Variants in SYNPO2 observed in about 807,000 individuals in gnomAD.
SYNPO2 encodes the protein synaptopodin 2.
Under a neutral mutation model 85.0 loss-of-function variants are expected in SYNPO2, and 56 were observed. That is an observed-to-expected ratio of 0.66 (90% CI 0.53 to 0.82). SYNPO2 has a LOEUF of 0.82. Ranked by LOEUF, SYNPO2 falls within the 40% of genes least tolerant of loss-of-function variation. SYNPO2 has a pLI of 0.00. For synonymous variants in SYNPO2, 602 were observed against 591.1 expected (o/e 1.02, Z -0.27); for missense variants, 1,575 against 1,534.2 (o/e 1.03, Z -0.44).
chr4:118,893,878 A>C (rs79729997), intron 1 of SYNPO2, among the ~76,000 whole-genome samples: 1 of 152,238 alleles, frequency 6.6e-6, no homozygotes, highest in African/African-American at 2.4e-5. Flanking sequence ...GTCACAAAGA[A>C]ATGATAAATA....
At chr4:118,999,495 G>A (rs1412371396) in intron 1 of SYNPO2, among the ~76,000 whole-genome samples, 1 of 152,066 alleles carries the variant, frequency 6.6e-6, no homozygotes, top group African/African-American at 2.4e-5. Flanking sequence ...TGTAAAGATA[G>A]TAGAGATAAT....
intron 1 of SYNPO2, among the ~76,000 whole-genome samples, chr4:118,994,532 TAATTCAATATATGA>T (rs1736519399): frequency 7.1e-6 from 1 of 140,196 alleles, no homozygotes; most frequent in Non-Finnish European, 1.6e-5. Context: ...TGAGCACTGT[TAATTCAATATATGA>T]ACTGGGGAAT....
At chr4:118,877,794 T>C (rs990366078) in intron 1 of SYNPO2, among the ~76,000 whole-genome samples, 7 of 152,152 alleles carry the variant, frequency 4.6e-5, no homozygotes, top group African/African-American at 1.7e-4. Flanking sequence ...AAAAGCAGGG[T>C]GGCAATGCCT....
At chr4:118,986,126 CT>C (rs1560947366) in intron 1 of SYNPO2, among the ~76,000 whole-genome samples, 1 of 152,196 alleles carries the variant, frequency 6.6e-6, no homozygotes, top group Admixed American at 6.5e-5. Context: ...CATAAATGAC[CT>C]TTGTTCTCAC....
chr4:118,941,816 C>G (rs1734322128), intron 1 of SYNPO2, among the ~76,000 whole-genome samples: 1 of 152,208 alleles, frequency 6.6e-6, no homozygotes. Flanking sequence ...ACACCAGTGC[C>G]ATTCAGAAAG....
chr4:118,904,740 T>A lies in SYNPO2; in HGVS notation c.105+15599T>A, dbSNP rs973117528. Among the ~76,000 whole-genome samples the A allele has an allele frequency of 1.3e-5, 2 of 152,186 alleles. 1 individual carries two copies. Among genetic ancestry groups the A allele is most frequent in the Admixed American group, 1.3e-4 (2 of 15,266 alleles). On this transcript the variant is annotated intron_variant, in intron 1 of 4. Coordinates refer to ENST00000307142, the MANE Select transcript of SYNPO2 (RefSeq NM_133477.3). The stretch of plus-strand genomic sequence containing the variant: ...CATTCAACTCCTTGGAGTTTTTAGC[T>A]TTTCAAACAGTGGTGAGTTATTTTC...
At chr4:119,021,219 A>C (rs1737708557) in intron 1 of SYNPO2, among the ~76,000 whole-genome samples, 1 of 152,182 alleles carries the variant, frequency 6.6e-6, no homozygotes, top group Non-Finnish European at 1.5e-5. Context: ...TTGGCTCTTA[A>C]AGGTAATATT....
chr4:118,915,752 C>A (rs1733296954), intron 1 of SYNPO2, among the ~76,000 whole-genome samples: 1 of 152,084 alleles, frequency 6.6e-6, no homozygotes, highest in Non-Finnish European at 1.5e-5. Flanking sequence ...GAGAAAATGC[C>A]AAACTCTTGT....
At chr4:118,953,104 C>A (rs1159602372) in intron 1 of SYNPO2, among the ~76,000 whole-genome samples, 1 of 152,080 alleles carries the variant, frequency 6.6e-6, no homozygotes, top group African/African-American at 2.4e-5. Flanking sequence ...GACCTTGGAA[C>A]TTCACTTGAT....
Position 118,930,857 on chromosome 4 carries a change from G to A in SYNPO2, c.105+41716G>A, listed in dbSNP as rs116679209. ...CACTTGAGCCCGGAAGGTTGAGGCT[G>A]CAGTGAGCCATGTTAGTGGCACTGC... On this transcript the variant is annotated intron_variant, in intron 1 of 4. Transcript: ENST00000307142. Among the ~76,000 whole-genome samples the A allele has an allele frequency of 4.8e-3, 728 of 151,010 alleles. 8 individuals carry two copies. Among genetic ancestry groups the A allele is most frequent in the African/African-American group, 0.016 (641 of 40,970 alleles).
intron 1 of SYNPO2, among the ~76,000 whole-genome samples, chr4:118,959,509 C>T (rs11098465): frequency 2.0e-5 from 3 of 152,132 alleles, no homozygotes; most frequent in African/African-American, 4.8e-5. Flanking sequence ...CCAATCCTAA[C>T]GCAGTTAAAT....
chr4:118,878,963 A>G (rs1344998987), intron 1 of SYNPO2, among the ~76,000 whole-genome samples: 2 of 152,208 alleles, frequency 1.3e-5, no homozygotes, highest in African/African-American at 4.8e-5. Context: ...AAGAGCTGTA[A>G]CACTCACTGC....
At chr4:118,965,635 A>G (rs1185623695) in intron 1 of SYNPO2, among the ~76,000 whole-genome samples, 2 of 152,130 alleles carry the variant, frequency 1.3e-5, no homozygotes, top group Non-Finnish European at 2.9e-5. Flanking sequence ...TACTTGCACT[A>G]TGATTCATTT....
rs747498908 is a variant in SYNPO2 at position 119,030,403 on chromosome 4, C to G, written c.1628C>G (p.Ser543Trp). The G allele has an allele frequency of 6.2e-7, 1 of 1,614,074 alleles. No individual in the cohort carries two copies. The highest frequency in any genetic ancestry group is 8.5e-7 in the Non-Finnish European group (1 of 1,180,010). ...TCTTACCAAAGAAAGGAGGAAGAGTCGGTAAGAACGCAGAGCTCTGTGAGC... is the reference window on the plus strand; with the variant it reads ...TCTTACCAAAGAAAGGAGGAAGAGTGGGTAAGAACGCAGAGCTCTGTGAGC... The part of the protein sequence containing the change: ...TTSYQRKEEE[S>W]VRTQSSVSKS... The change falls in exon 4 of 5, where the codon TCG (serine) becomes TGG (tryptophan). Residue 543 changes from serine to tryptophan, a missense_variant. Physicochemically the swap from Ser to Trp is radical, Grantham distance 177. This residue lies in a region of SYNPO2 where 1,508 missense variants were observed against 1,446.8 expected (regional missense o/e 1.04). Coordinates refer to ENST00000307142, the MANE Select transcript of SYNPO2 (RefSeq NM_133477.3).
chr4:119,034,261 G>A (rs978335225), intron 4 of SYNPO2: 8 of 985,384 alleles, frequency 8.1e-6, no homozygotes, highest in African/African-American at 3.5e-5. Context: ...TTTAAAGAGC[G>A]GCATGAATTA....
At chr4:118,852,167 T>A (rs958127552) in intron 1 of SYNPO2, among the ~76,000 whole-genome samples, 11 of 152,166 alleles carry the variant, frequency 7.2e-5, no homozygotes, top group African/African-American at 2.4e-4. Context: ...AAAACCACAA[T>A]GAGCTGCCAT....
chr4:119,022,337 A>C lies in SYNPO2; in HGVS notation c.106-1093A>C, dbSNP rs143177126. ...TACAATGTGGAATTATCATCATCATAATAATAATGTTTTAAGACGGGGTCT... is the reference window on the plus strand; with the variant it reads ...TACAATGTGGAATTATCATCATCATCATAATAATGTTTTAAGACGGGGTCT... On this transcript the variant is annotated intron_variant, in intron 1 of 4. Coordinates refer to ENST00000307142, the MANE Select transcript of SYNPO2 (RefSeq NM_133477.3). Among the ~76,000 whole-genome samples, 1,020 of 151,950 alleles carry C rather than the reference A, an allele frequency of 6.7e-3. 10 individuals carry two copies. Among genetic ancestry groups the C allele is most frequent in the Non-Finnish European group, 8.8e-3 (595 of 67,940 alleles).
intron 1 of SYNPO2, among the ~76,000 whole-genome samples, chr4:118,958,610 T>A (rs537168256): frequency 7.0e-4 from 101 of 144,346 alleles, no homozygotes; most frequent in Non-Finnish European, 1.3e-3. Context: ...TTCCAGTGGA[T>A]GGGATGATGA....
intron 1 of SYNPO2, among the ~76,000 whole-genome samples, chr4:118,923,404 G>T (rs1303075479): frequency 6.6e-6 from 1 of 152,020 alleles, no homozygotes; most frequent in Admixed American, 6.6e-5. Context: ...AGGATGGATT[G>T]GGGAGGAGAG....
Sources: allele counts gnomAD v4.1 joint callset (sites outside exome capture counted in the v4.1 genomes callset), GRCh38; gene constraint gnomAD v4.1.1; regional missense constraint gnomAD v4.1.1; transcripts MANE v1.5; gene names NCBI Gene and HGNC (gene_info 2026-07-23, HGNC 2026-07-21).